The following SLC51A variants were observed in gnomAD, a reference collection of about 807,000 sequenced individuals.
SLC51A encodes organic solute transporter subunit alpha.
A neutral mutation model predicts 34.8 loss-of-function variants in SLC51A; 22 were observed. That is an observed-to-expected ratio of 0.63 (90% CI 0.45 to 0.90). The LOEUF is 0.90. Among genes scored for constraint, SLC51A ranks in the 40% least tolerant of loss-of-function variants. SLC51A has a pLI of 0.00. For missense variants in SLC51A, 371 were observed against 414.8 expected, an observed-to-expected ratio of 0.89 and a Z score of 0.92; for synonymous variants, 181 against 176.3, an observed-to-expected ratio of 1.03 and a Z score of -0.21.
chr3:196,230,636 C>T (rs1444566545), intron 7 of SLC51A, among the ~76,000 whole-genome samples: 4 of 152,064 alleles, frequency 2.6e-5, no homozygotes, highest in Admixed American at 6.6e-5. Context: ...AGGCATGTAC[C>T]ACCACGCCCG....
intron 2 of SLC51A, among the ~76,000 whole-genome samples, chr3:196,224,473 T>G (rs1489090641): frequency 6.7e-6 from 1 of 149,920 alleles, no homozygotes; most frequent in Non-Finnish European, 1.5e-5. Flanking sequence ...GGTGGGCGGG[T>G]CAGTTGAGGT....
At chr3:196,217,665 G>C (rs891471850) in intron 1 of SLC51A, among the ~76,000 whole-genome samples, 177 bp from the exon 2 acceptor site, 9 of 151,622 alleles carry the variant, frequency 5.9e-5, no homozygotes, top group Non-Finnish European at 1.0e-4. Context: ...GGAAGGGAGA[G>C]AGAAAGAGAA....
intron 2 of SLC51A, among the ~76,000 whole-genome samples, chr3:196,224,736 G>GGGA: frequency 9.8e-6 from 1 of 102,186 alleles, no homozygotes; most frequent in African/African-American, 3.4e-5. Context: ...GAGGGGAGGA[G>GGGA]AGGGGAGAGG....
chr3:196,227,400 T>C (rs2108755924), intron 3 of SLC51A: 1 of 589,838 alleles, frequency 1.7e-6, no homozygotes, highest in East Asian at 2.9e-5. Context: ...CTTGAAGAGC[T>C]TCCTTCAGTG....
intron 7 of SLC51A, 97 bp from the exon 8 acceptor site, chr3:196,232,322 T>C (rs755294730): frequency 2.0e-5 from 17 of 851,870 alleles, no homozygotes; most frequent in Non-Finnish European, 3.1e-5. Flanking sequence ...GGGTGGAACC[T>C]GCCCAGCGGA....
At chr3:196,231,179 A>T (rs1724021944) in intron 7 of SLC51A, among the ~76,000 whole-genome samples, 1 of 152,182 alleles carries the variant, frequency 6.6e-6, no homozygotes, top group African/African-American at 2.4e-5. Context: ...ACAGACCCAG[A>T]GATGTTCTTG....
At chr3:196,220,760 G>A (rs965242257) in intron 2 of SLC51A, among the ~76,000 whole-genome samples, 1 of 152,200 alleles carries the variant, frequency 6.6e-6, no homozygotes, top group Admixed American at 6.5e-5. Context: ...ACCTAGGCGT[G>A]TAAGTGCTGG....
In SLC51A at chr3:196,217,841, G is replaced by A; in HGVS notation, c.39-1G>A. 6.2e-7 allele frequency: 1 copy of A among 1,613,340 alleles called. No individual in the cohort carries two copies. The highest frequency in any genetic ancestry group is 1.1e-5 in the South Asian group (1 of 90,886). On this transcript the variant is annotated splice_acceptor_variant, in intron 1 of 8. Coordinates refer to ENST00000296327, the MANE Select transcript of SLC51A (RefSeq NM_152672.6). LOFTEE classifies it high-confidence loss of function. Reference sequence around the variant, plus strand: ...CTGAGCACAGGCTGGTGTCTCGCCAGGTACACAGCAGATCTTCTGGAGGTG... The same window carrying A: ...CTGAGCACAGGCTGGTGTCTCGCCAAGTACACAGCAGATCTTCTGGAGGTG...
At chr3:196,229,322 A>T (rs1041247645) in intron 6 of SLC51A, among the ~76,000 whole-genome samples, 49 of 151,252 alleles carry the variant, frequency 3.2e-4, no homozygotes, top group African/African-American at 1.2e-3. Context: ...AGGTGGGAGG[A>T]TCACTTGAAG....
rs375900572 is a variant in SLC51A at position 196,229,960 on chromosome 3, G to C, written c.679G>C (p.Val227Leu). ...TCTATGGATCAACACTTTCCTTGGC[G>C]TGTCCACACTGCTGGCTCTCTGGAC... Reference protein sequence around the residue: ...TALWINTFLGVSTLLALWTLG... With the variant: ...TALWINTFLGLSTLLALWTLG... Residue 227 changes from valine to leucine, a missense_variant, in exon 7 of 9, where the codon GTG (valine) becomes CTG (leucine). Coordinates refer to ENST00000296327, the MANE Select transcript of SLC51A (RefSeq NM_152672.6). The C allele has an allele frequency of 1.2e-6, 2 of 1,613,504 alleles. No homozygotes were observed. The highest frequency in any genetic ancestry group is 2.2e-5 in the South Asian group (2 of 90,992).
Position 196,228,672 on chromosome 3 carries a change from C to T in SLC51A, c.522-137C>T. On this transcript the variant is annotated intron_variant, in intron 5 of 8. Transcript: ENST00000296327. The surrounding 1 kb of genome is among the most constrained non-coding windows in gnomAD (Gnocchi z 4.9). ...ACTCTCAACATTCTGCTTTTTTCCT[C>T]TGTCCCCATCCACTTAACCTGGTTG... is the stretch of plus-strand genomic sequence containing the variant. The T allele has an allele frequency of 9.9e-6, 7 of 709,090 alleles. No homozygotes were observed. Among genetic ancestry groups the T allele is most frequent in the Admixed American group, 7.3e-5 (3 of 40,910 alleles). 43.9% of individuals were successfully genotyped at this position (709,090 alleles called of 1,614,324 possible).
At chr3:196,218,782 G>A (rs1723661747) in intron 2 of SLC51A, among the ~76,000 whole-genome samples, 1 of 151,842 alleles carries the variant, frequency 6.6e-6, no homozygotes, top group South Asian at 2.1e-4. Context: ...ACAAGTAATT[G>A]TTGCAGAGGT....
In SLC51A at chr3:196,228,876, G is replaced by C; in HGVS notation, c.589G>C (p.Val197Leu). The C allele has an allele frequency of 1.2e-6, 2 of 1,614,170 alleles. No individual in the cohort carries two copies. The highest frequency in any genetic ancestry group is 1.7e-6 in the Non-Finnish European group (2 of 1,180,030). The change falls in exon 6 of 9, where the codon GTG becomes CTG. Residue 197 changes from valine to leucine, a missense_variant. By Grantham distance (32) the Val-to-Leu change is conservative (BLOSUM62 1). Coordinates refer to ENST00000296327, the MANE Select transcript of SLC51A (RefSeq NM_152672.6). The surrounding 1 kb of genome is among the most constrained non-coding windows in gnomAD (Gnocchi z 4.9). ...YAFLKITLTL[V>L]GLFLVPDGIY... ...CTTCTTGAAGATAACGCTGACCCTG[G>C]TGGGCCTGTTTCTCGTCCCCGACGG...
At chr3:196,226,898 G>A (rs549316964) in intron 2 of SLC51A, 67 bp from the exon 3 acceptor site, 28 of 1,496,638 alleles carry the variant, frequency 1.9e-5, no homozygotes, top group East Asian at 2.3e-5. Context: ...ATTTCGATCC[G>A]AGGAACAAGC....
Position 196,216,829 on chromosome 3 carries a change from C to T in SLC51A, c.38+79C>T. 1.4e-6 allele frequency: 2 copies of T among 1,417,160 alleles called. No homozygotes were observed. 87.8% of individuals were successfully genotyped at this position (1,417,160 alleles called of 1,614,324 possible). A position where few individuals can be genotyped will look rare whatever the true frequency, so the allele number is the denominator to read the frequency against. ...CCCGCGGCCTGTCCTCTCTCCCTCC[C>T]AGAGCCCTTTGGCGGCCGCACTCAG... On this transcript the variant is annotated intron_variant, in intron 1 of 8. Transcript: ENST00000296327. This position sits in a 1 kb window ranked among gnomAD's most constrained non-coding sequence, Gnocchi z 4.5.
intron 2 of SLC51A, among the ~76,000 whole-genome samples, chr3:196,218,674 T>C (rs988812762): frequency 1.3e-5 from 2 of 152,230 alleles, no homozygotes; most frequent in Non-Finnish European, 2.9e-5. Context: ...CTTTGCGTTT[T>C]GTCGCTCTGT....
chr3:196,229,968 A>G lies in SLC51A; in HGVS notation c.687A>G (p.Thr229=), dbSNP rs1199931519. The G allele has an allele frequency of 6.2e-7, 1 of 1,613,762 alleles. No homozygotes were observed. The highest frequency in any genetic ancestry group is 8.5e-7 in the Non-Finnish European group (1 of 1,179,800). The part of the protein sequence containing the change: ...LWINTFLGVS[T]LLALWTLGII... ...TCAACACTTTCCTTGGCGTGTCCAC[A>G]CTGCTGGCTCTCTGGACCCTGGGCA... The change falls in exon 7 of 9, where the codon ACA becomes ACG. Residue 229 remains threonine (T), a synonymous_variant. Coordinates refer to ENST00000296327, the MANE Select transcript of SLC51A (RefSeq NM_152672.6).
At chr3:196,224,743 GA>G (rs1165229129) in intron 2 of SLC51A, among the ~76,000 whole-genome samples, 1 of 98,846 alleles carries the variant, frequency 1.0e-5, no homozygotes, top group African/African-American at 3.6e-5. Flanking sequence ...GGAGAGGGGA[GA>G]GGGGAGGGAA....
chr3:196,223,843 CT>C lies in SLC51A; in HGVS notation c.134-3114del, dbSNP rs754271861. The stretch of plus-strand genomic sequence containing the variant: ...ACGGCAAATATCTTAGTGTAATTTC[CT>C]TTTTTTTAATGCCTTTTTTTTTTTT... On this transcript the variant is annotated intron_variant, in intron 2 of 8. Transcript: ENST00000296327. 106 of 397,030 alleles carry C rather than the reference CT, an allele frequency of 2.7e-4. 3 individuals are homozygous for C. Among genetic ancestry groups the C allele is most frequent in the South Asian group, 1.7e-3 (94 of 55,334 alleles). The allele number at this position is 397,030 out of a possible 1,614,324, so 24.6% of individuals were successfully genotyped here.
Sources: gnomAD v4.1 joint callset for allele counts (sites outside exome capture counted in the v4.1 genomes callset) on GRCh38, gnomAD v4.1.1 for gene constraint, Gnocchi (gnomAD v3.1) non-coding constraint, MANE v1.5 for transcripts, NCBI Gene and HGNC (gene_info 2026-07-23, HGNC 2026-07-21) for gene names.